ADAMTS13: variants seen among roughly 807,000 people sequenced by gnomAD.
The protein encoded by ADAMTS13 is A disintegrin and metalloproteinase with thrombospondin motifs 13.
A neutral mutation model predicts 155.1 loss-of-function variants in ADAMTS13; 110 were observed. The ratio of observed to expected loss-of-function variants is 0.71; its 90% CI spans 0.61 to 0.83. The LOEUF (loss-of-function observed/expected upper bound fraction) is 0.83. ADAMTS13 is among the 40% of genes least tolerant of loss of function. ADAMTS13 has a pLI of 0.00. For synonymous variants in ADAMTS13, 758 were observed against 756.4 expected (o/e 1.00, Z -0.03); for missense variants, 1,707 against 1,891.7 (o/e 0.90, Z 1.81).
rs113395696 is a variant in ADAMTS13 at position 133,441,410 on chromosome 9, C to G, written c.1968+885C>G. 0.015 allele frequency among the ~76,000 whole-genome samples: 2,286 copies of G among 152,326 alleles called. 26 individuals carry two copies. The highest frequency in any genetic ancestry group is 0.025 in the Non-Finnish European group (1,671 of 68,028). Reference sequence around the variant, plus strand: ...CAGATGCTAGCTGCCGAGTGGCTCTCCCATCATCCTCTGCAGTGTGTAAAA... The same window carrying G: ...CAGATGCTAGCTGCCGAGTGGCTCTGCCATCATCCTCTGCAGTGTGTAAAA... On this transcript the variant is annotated intron_variant, in intron 16 of 28. Coordinates refer to ENST00000355699, the MANE Select transcript of ADAMTS13 (RefSeq NM_139027.6). The surrounding 1 kb of genome is among the most constrained non-coding windows in gnomAD (Gnocchi z 5.0).
rs1841645623 is a variant in ADAMTS13 at position 133,441,215 on chromosome 9, A to C, written c.1968+690A>C. The stretch of plus-strand genomic sequence containing the variant: ...CCTGAGAACCTTGGGAGAGGGGCCC[A>C]GTCTCAGCGGCCGGAGCAGCGTCCT... On this transcript the variant is annotated intron_variant, in intron 16 of 28. Transcript: ENST00000355699. This position sits in a 1 kb window ranked among gnomAD's most constrained non-coding sequence, Gnocchi z 5.0. Among the ~76,000 whole-genome samples the C allele has an allele frequency of 6.6e-6, 1 of 152,160 alleles. No individual in the cohort carries two copies. The highest frequency in any genetic ancestry group is 2.4e-5 in the African/African-American group (1 of 41,436).
At chr9:133,414,737 A>AT in intron 1 of ADAMTS13, 1 of 1,614,166 alleles carries the variant, frequency 6.2e-7, no homozygotes, top group Non-Finnish European at 8.5e-7. Flanking sequence ...TTCTGGAACA[A>AT]TATCACCATT....
intron 6 of ADAMTS13, 59 bp downstream of exon 6, chr9:133,426,404 G>C: frequency 1.3e-6 from 2 of 1,594,114 alleles, no homozygotes; most frequent in Non-Finnish European, 1.7e-6. Context: ...GGGTACCCAG[G>C]GTGGAGGTGG....
chr9:133,425,739 G>C lies in ADAMTS13; in HGVS notation c.414+127G>C. ...ATGGATCACAGAATGCATTCAGCCA[G>C]ACAGACCAGCTGCCCTCCCAGCTCT... On this transcript the variant is annotated intron_variant, in intron 4 of 28. Coordinates refer to ENST00000355699, the MANE Select transcript of ADAMTS13 (RefSeq NM_139027.6). This position sits in a 1 kb window ranked among gnomAD's most constrained non-coding sequence, Gnocchi z 4.6. 1.4e-6 allele frequency: 2 copies of C among 1,395,706 alleles called. No individual in the cohort carries two copies. The highest frequency in any genetic ancestry group is 2.0e-6 in the Non-Finnish European group (2 of 1,011,792). 86.5% of individuals were successfully genotyped at this position (1,395,706 alleles called of 1,614,324 possible).
At chr9:133,417,526 T>C (rs2130750939), upstream of ADAMTS13, 3 of 1,323,368 alleles carry the variant, frequency 2.3e-6, no homozygotes, top group East Asian at 2.3e-5. Context: ...AATCTGCCTT[T>C]ACAGGTCTTT....
chr9:133,443,892 C>T (rs1053832525), intron 19 of ADAMTS13, among the ~76,000 whole-genome samples: 1 of 152,122 alleles, frequency 6.6e-6, no homozygotes, highest in Admixed American at 6.5e-5. Flanking sequence ...ACCACCATCT[C>T]CCCCGTGCCC....
upstream of ADAMTS13, among the ~76,000 whole-genome samples, chr9:133,417,189 A>T (rs1234699203): frequency 6.6e-6 from 1 of 151,966 alleles, no homozygotes; most frequent in Non-Finnish European, 1.5e-5. Flanking sequence ...TATTTTTTGT[A>T]CTTTTTTAGT....
intron 6 of ADAMTS13, among the ~76,000 whole-genome samples, chr9:133,427,534 C>T (rs1554785578): frequency 6.6e-6 from 1 of 152,026 alleles, no homozygotes; most frequent in Non-Finnish European, 1.5e-5. Context: ...GCTCCTTCTC[C>T]CTCAGAGGGA....
Position 133,433,647 on chromosome 9 carries a change from C to T in ADAMTS13, c.1251C>T (p.Ala417=), listed in dbSNP as rs781959119. ...RRRQCNNPRP[A]FGGRACVGAD... is the part of the protein sequence containing the mutation. Reference sequence around the variant, plus strand: ...GTCTGCTGGGCATTTTCAGACCTGCCTTTGGGGGGCGTGCATGTGTTGGTG... The same window carrying T: ...GTCTGCTGGGCATTTTCAGACCTGCTTTTGGGGGGCGTGCATGTGTTGGTG... Residue 417 remains alanine (A), a synonymous_variant, in exon 11 of 29, where the codon GCC becomes GCT. Coordinates refer to ENST00000355699, the MANE Select transcript of ADAMTS13 (RefSeq NM_139027.6). The T allele has an allele frequency of 6.2e-7, 1 of 1,613,960 alleles. No individual in the cohort carries two copies. The highest frequency in any genetic ancestry group is 1.7e-5 in the Admixed American group (1 of 60,016).
intron 21 of ADAMTS13, 140 bp from the exon 22 acceptor site, chr9:133,448,459 A>C (rs1237076234): frequency 9.4e-7 from 1 of 1,063,066 alleles, no homozygotes; most frequent in Non-Finnish European, 1.4e-6. Context: ...CAGTTGTCTG[A>C]GGTCACACAG....
rs587677891 is a variant in ADAMTS13, at chr9:133,450,488, C to A, written c.3044+523C>A. ...GAGGCTGAGGCAGAATCGCTTGAAC[C>A]GGGGAGGCCAAGGTTGTGGTGAGCC... On this transcript the variant is annotated intron_variant, in intron 23 of 28. Transcript: ENST00000355699. Among the ~76,000 whole-genome samples the A allele has an allele frequency of 9.4e-5, 14 of 149,374 alleles. No individual in the cohort carries two copies. The South Asian group carries it at 2.8e-3, about 30-fold the overall frequency.
Position 133,448,592 on chromosome 9 carries a change from C to T in ADAMTS13, c.2732-7C>T, listed in dbSNP as rs1842224668. On this transcript the variant is annotated splice_region_variant and splice_polypyrimidine_tract_variant and intron_variant, in intron 21 of 28. Coordinates refer to ENST00000355699, the MANE Select transcript of ADAMTS13 (RefSeq NM_139027.6). ...TGGGGCTCTGGGTCTCTGCTTTGTC[C>T]ACGCAGGTCTGATGGAGCTGCGTTT... 1 of 1,609,250 alleles carries T rather than the reference C, an allele frequency of 6.2e-7. No individual in the cohort carries two copies. Among genetic ancestry groups the T allele is most frequent in the Non-Finnish European group, 8.5e-7 (1 of 1,179,780 alleles).
chr9:133,454,621 T>C lies in ADAMTS13; in HGVS notation c.3249+2T>C. On this transcript the variant is annotated splice_donor_variant, in intron 24 of 28. Coordinates refer to ENST00000355699, the MANE Select transcript of ADAMTS13 (RefSeq NM_139027.6). LOFTEE classifies it high-confidence loss of function. ...TGGCATGTTGGCACCTGGATGGAGG[T>C]GAGCACAGCGGGCACTCGGAATCCC... 1 of 1,596,436 alleles carries C rather than the reference T, an allele frequency of 6.3e-7. No homozygotes were observed. The highest frequency in any genetic ancestry group is 8.5e-7 in the Non-Finnish European group (1 of 1,177,350).
intron 25 of ADAMTS13, 186 bp from the exon 26 acceptor site, chr9:133,455,883 G>C: frequency 1.2e-6 from 1 of 820,638 alleles, no homozygotes; most frequent in Admixed American, 2.1e-5. Context: ...TAGCAGCCCT[G>C]TGCCCTGAGG....
chr9:133,452,331 T>G (rs587713030), intron 23 of ADAMTS13, among the ~76,000 whole-genome samples: 1 of 152,202 alleles, frequency 6.6e-6, no homozygotes, highest in East Asian at 1.9e-4. Flanking sequence ...AGGCTGGTCT[T>G]GAACTCCTGA....
intron 8 of ADAMTS13, among the ~76,000 whole-genome samples, chr9:133,431,808 C>A (rs1386701085): frequency 3.9e-5 from 6 of 152,192 alleles, no homozygotes; most frequent in Non-Finnish European, 8.8e-5. Flanking sequence ...GTGCCTGCCA[C>A]CACACCCGGC....
At chr9:133,443,955 C>T (rs1841883173) in intron 19 of ADAMTS13, among the ~76,000 whole-genome samples, 1 of 152,154 alleles carries the variant, frequency 6.6e-6, no homozygotes, top group Admixed American at 6.5e-5. Flanking sequence ...GCTTATCATC[C>T]TGCCCTGCCA....
chr9:133,442,814 C>G, intron 18 of ADAMTS13, 71 bp downstream of exon 18: 1 of 1,532,478 alleles, frequency 6.5e-7, no homozygotes, highest in South Asian at 1.2e-5. Flanking sequence ...GGCTCTGTCC[C>G]TGGCCTATGG....
At chr9:133,417,000 A>T (rs1839662528), upstream of ADAMTS13, among the ~76,000 whole-genome samples, 1 of 152,092 alleles carries the variant, frequency 6.6e-6, no homozygotes, top group Admixed American at 6.5e-5. Flanking sequence ...TGCTACACAG[A>T]CCAGTGTGTT....
Sources: gnomAD v4.1 joint callset for allele counts (sites outside exome capture counted in the v4.1 genomes callset) on GRCh38, gnomAD v4.1.1 for gene constraint, Gnocchi (gnomAD v3.1) non-coding constraint, MANE v1.5 for transcripts, NCBI Gene and HGNC (gene_info 2026-07-23, HGNC 2026-07-21) for gene names.